AHCYL2: variants seen among roughly 807,000 people sequenced by gnomAD.
The protein encoded by AHCYL2 is S-adenosylhomocysteine hydrolase-like protein 2.
AHCYL2 carries 28 observed loss-of-function variants against 81.4 expected under a neutral mutation model. The observed-to-expected ratio is 0.34, with a 90% CI of 0.25 to 0.47. The LOEUF is 0.47. Ranked by LOEUF, AHCYL2 falls within the 20% of genes least tolerant of loss-of-function variation. The pLI is 1.00. For missense variants in AHCYL2, 551 were observed against 785.1 expected (o/e 0.70, Z 3.56); for synonymous variants, 272 against 290.2 (o/e 0.94, Z 0.64).
intron 1 of AHCYL2, among the ~76,000 whole-genome samples, chr7:129,289,918 G>C (rs1563182753): frequency 6.6e-6 from 1 of 151,838 alleles, no homozygotes; most frequent in Non-Finnish European, 1.5e-5. Flanking sequence ...GAGTAGCTGG[G>C]ATTACAGCCA....
intron 1 of AHCYL2, among the ~76,000 whole-genome samples, chr7:129,282,793 C>T (rs1379703725): frequency 6.6e-6 from 1 of 150,724 alleles, no homozygotes; most frequent in African/African-American, 2.4e-5. Context: ...TGTTCTGTGT[C>T]ACAGTTAATT....
intron 1 of AHCYL2, among the ~76,000 whole-genome samples, chr7:129,232,511 G>C (rs1794482749): frequency 6.6e-6 from 1 of 152,124 alleles, no homozygotes; most frequent in Admixed American, 6.5e-5. Flanking sequence ...TCAAGGGGAG[G>C]CCTAAACACC....
chr7:129,347,411 TCTC>T (rs1244975155), intron 1 of AHCYL2, among the ~76,000 whole-genome samples: 1 of 152,136 alleles, frequency 6.6e-6, no homozygotes, highest in African/African-American at 2.4e-5. Context: ...GAACTCTCTT[TCTC>T]CTCAATTTTG....
intron 1 of AHCYL2, among the ~76,000 whole-genome samples, chr7:129,305,802 C>T (rs1255978135): frequency 6.6e-6 from 1 of 152,164 alleles, no homozygotes; most frequent in Non-Finnish European, 1.5e-5. Flanking sequence ...AATCCTTTAG[C>T]TTTTGTATGT....
intron 2 of AHCYL2, among the ~76,000 whole-genome samples, chr7:129,386,751 C>A (rs1380413166): frequency 1.3e-5 from 2 of 152,130 alleles, no homozygotes; most frequent in African/African-American, 4.8e-5. Context: ...GAAGGGCAAT[C>A]TCTTCTGGGT....
intron 1 of AHCYL2, among the ~76,000 whole-genome samples, chr7:129,314,625 A>C (rs912721877): frequency 7.2e-5 from 11 of 152,196 alleles, no homozygotes; most frequent in Non-Finnish European, 1.5e-4. Flanking sequence ...TTATAAGGGC[A>C]CTAATCCCAT....
At chr7:129,340,453 A>G (rs1275254628) in intron 1 of AHCYL2, among the ~76,000 whole-genome samples, 5 of 151,010 alleles carry the variant, frequency 3.3e-5, no homozygotes, top group Admixed American at 6.6e-5. Flanking sequence ...CTATAGTCCC[A>G]GCTACTCCGG....
intron 6 of AHCYL2, among the ~76,000 whole-genome samples, chr7:129,402,287 C>A (rs1796074923): frequency 6.6e-6 from 1 of 152,076 alleles, no homozygotes; most frequent in Admixed American, 6.5e-5. Context: ...GATCCTGGTT[C>A]TCAAGCAAGG....
intron 4 of AHCYL2, among the ~76,000 whole-genome samples, chr7:129,394,471 G>C (rs1487917879): frequency 5.2e-5 from 4 of 77,664 alleles, no homozygotes; most frequent in East Asian, 5.2e-4. Flanking sequence ...TTTTGAGACA[G>C]AGTTTTGCTC....
intron 1 of AHCYL2, among the ~76,000 whole-genome samples, chr7:129,264,308 C>T (rs1021669365): frequency 5.3e-5 from 8 of 152,256 alleles, no homozygotes; most frequent in African/African-American, 1.4e-4. Flanking sequence ...GCGTGAGCCA[C>T]TGCGCCCGGC....
intron 10 of AHCYL2, among the ~76,000 whole-genome samples, chr7:129,408,614 T>C (rs1223876259): frequency 2.0e-5 from 3 of 152,190 alleles, no homozygotes; most frequent in Non-Finnish European, 4.4e-5. Flanking sequence ...CAGTGGCTAA[T>C]TTGATCCTTG....
chr7:129,285,873 G>A (rs956263576), intron 1 of AHCYL2, among the ~76,000 whole-genome samples: 3 of 152,008 alleles, frequency 2.0e-5, no homozygotes, highest in Non-Finnish European at 2.9e-5. Flanking sequence ...ACCCCACCCA[G>A]CTAATTTTTG....
At position 129,310,576 on chromosome 7, in the gene AHCYL2, A is replaced by G. The variant is rs184764532; in HGVS notation, c.364-69062A>G. Among the ~76,000 whole-genome samples the G allele has an allele frequency of 5.3e-4, 81 of 152,352 alleles. No homozygotes were observed. The Middle Eastern group carries it at 0.014, about 26-fold the overall frequency. On this transcript the variant is annotated intron_variant, in intron 1 of 16. Coordinates refer to ENST00000325006, the MANE Select transcript of AHCYL2 (RefSeq NM_015328.4). ...GGAGGGGAATTAAGTGTTAAATGCTATACAGATGTAAAATAAAATCAGTAT... is the reference window on the plus strand; with the variant it reads ...GGAGGGGAATTAAGTGTTAAATGCTGTACAGATGTAAAATAAAATCAGTAT...
chr7:129,289,347 C>A (rs575156161), intron 1 of AHCYL2, among the ~76,000 whole-genome samples: 2 of 152,224 alleles, frequency 1.3e-5, no homozygotes, highest in African/African-American at 2.4e-5. Context: ...TTGCCTTGGC[C>A]TCTCCGAGTG....
chr7:129,377,853 A>G (rs1794764358), intron 1 of AHCYL2, among the ~76,000 whole-genome samples: 1 of 152,218 alleles, frequency 6.6e-6, no homozygotes, highest in Admixed American at 6.5e-5. Context: ...ATAAAATTGT[A>G]AGAAAATCAT....
At chr7:129,337,839 G>T (rs1418411647) in intron 1 of AHCYL2, among the ~76,000 whole-genome samples, 1 of 152,184 alleles carries the variant, frequency 6.6e-6, no homozygotes, top group East Asian at 1.9e-4. Context: ...CACCTCCCGG[G>T]TTCAAGCGAT....
chr7:129,428,998 C>A lies in AHCYL2; in HGVS notation c.*1953C>A, dbSNP rs1797472112. On this transcript the variant is annotated 3_prime_UTR_variant, in exon 17 of 17. Transcript: ENST00000325006. ...TTTGTACCTTATCTTATATCCAGAG[C>A]AGATTCCATTTGGCAGATAGATGGT... The A allele has an allele frequency of 6.6e-6, 1 of 152,206 alleles. No homozygotes were observed. Among genetic ancestry groups the A allele is most frequent in the African/African-American group, 2.4e-5 (1 of 41,436 alleles). The allele number at this position is 152,206 out of a possible 1,614,324, so 9.4% of individuals were successfully genotyped here.
In AHCYL2 at chr7:129,406,399, G is replaced by T. The variant is rs1483618071; in HGVS notation, c.1228G>T (p.Ala410Ser). 6.2e-7 allele frequency: 1 copy of T among 1,614,050 alleles called. No homozygotes were observed. Among genetic ancestry groups the T allele is most frequent in the Non-Finnish European group, 8.5e-7 (1 of 1,180,002 alleles). Reference protein sequence around the residue: ...YGEVGKGCCAALKAMGSIVYV... With the variant: ...YGEVGKGCCASLKAMGSIVYV... ...TCAGGTGGGGAAAGGGTGCTGTGCT[G>T]CCCTGAAAGCCATGGGCTCCATTGT... The change falls in exon 10 of 17, where the codon GCC (alanine) becomes TCC (serine). Residue 410 changes from alanine (A) to serine (S), a missense_variant. This residue lies in a region of AHCYL2 where 316 missense variants were observed against 543.1 expected (regional missense o/e 0.58). Transcript: ENST00000325006. The surrounding 1 kb of genome is among the most constrained non-coding windows in gnomAD (Gnocchi z 4.3).
intron 1 of AHCYL2, among the ~76,000 whole-genome samples, chr7:129,324,239 A>C (rs2150793341): frequency 6.6e-6 from 1 of 152,152 alleles, no homozygotes; most frequent in East Asian, 1.9e-4. Flanking sequence ...TTTTTCTTTC[A>C]GAATGATTTT....
Sources: allele counts gnomAD v4.1 joint callset (sites outside exome capture counted in the v4.1 genomes callset), GRCh38; gene constraint gnomAD v4.1.1; regional missense constraint gnomAD v4.1.1; non-coding constraint Gnocchi (gnomAD v3.1); transcripts MANE v1.5; gene names NCBI Gene and HGNC (gene_info 2026-07-23, HGNC 2026-07-21).